Variants in CNDP2 observed in about 807,000 individuals in gnomAD.
The protein encoded by CNDP2 is cytosolic non-specific dipeptidase.
Under a neutral mutation model 55.0 loss-of-function variants are expected in CNDP2, and 38 were observed. The observed-to-expected ratio is 0.69, with a 90% confidence interval of 0.53 to 0.90. The LOEUF (loss-of-function observed/expected upper bound fraction) is 0.90. CNDP2 is among the 40% of genes least tolerant of loss of function. The pLI is 0.00. For synonymous variants in CNDP2, 241 were observed against 260.2 expected, an observed-to-expected ratio of 0.93 and a Z score of 0.71; for missense variants, 607 against 621.7, an observed-to-expected ratio of 0.98 and a Z score of 0.25.
At position 74,522,836 on chromosome 18, in the gene CNDP2, T is replaced by A. The variant is rs896747194; in HGVS notation, c.*2768T>A. The A allele has an allele frequency of 6.6e-6, 1 of 152,306 alleles. No individual in the cohort carries two copies. The highest frequency in any genetic ancestry group is 1.5e-5 in the Non-Finnish European group (1 of 68,112). The allele number at this position is 152,306 out of a possible 1,614,324, so 9.4% of individuals were successfully genotyped here. On this transcript the variant is annotated 3_prime_UTR_variant, in exon 12 of 12. Coordinates refer to ENST00000324262, the MANE Select transcript of CNDP2 (RefSeq NM_018235.3). ...TAACACCTGCAGCAGCCTGCGGCGGTCACCGTGCTAACACGTGCAGCAGCC... is the reference window on the plus strand; with the variant it reads ...TAACACCTGCAGCAGCCTGCGGCGGACACCGTGCTAACACGTGCAGCAGCC...
intron 7 of CNDP2, 122 bp from the exon 8 acceptor site, chr18:74,513,437 G>T: frequency 1.9e-6 from 2 of 1,052,914 alleles, no homozygotes; most frequent in Non-Finnish European, 2.6e-6. Flanking sequence ...CCTCAGCCAC[G>T]TGGCTGTGGG....
intron 4 of CNDP2, among the ~76,000 whole-genome samples, chr18:74,506,750 G>C (rs888416346): frequency 6.6e-6 from 1 of 152,200 alleles, no homozygotes; most frequent in African/African-American, 2.4e-5. Flanking sequence ...AAGTGCTTCC[G>C]TGGGCCTGGC....
In CNDP2 at chr18:74,521,829, G is replaced by A. The variant is rs891616798; in HGVS notation, c.*1761G>A. 7.2e-5 allele frequency: 11 copies of A among 152,308 alleles called. No individual in the cohort carries two copies. Among genetic ancestry groups the A allele is most frequent in the African/African-American group, 2.2e-4 (9 of 41,564 alleles). The allele number at this position is 152,308 out of a possible 1,614,324, so 9.4% of individuals were successfully genotyped here. On this transcript the variant is annotated 3_prime_UTR_variant, in exon 12 of 12. Coordinates refer to ENST00000324262, the MANE Select transcript of CNDP2 (RefSeq NM_018235.3). Reference sequence around the variant, plus strand: ...ATTGGTAGGCAAAGGTTTAAAGAACGGGATATTTGCTTAGCTTAAAAGCAC... The same window carrying A: ...ATTGGTAGGCAAAGGTTTAAAGAACAGGATATTTGCTTAGCTTAAAAGCAC...
chr18:74,519,234 T>G, intron 11 of CNDP2, 138 bp downstream of exon 11: 2 of 1,165,936 alleles, frequency 1.7e-6, no homozygotes, highest in Non-Finnish European at 2.3e-6. Context: ...TGTATTTGTG[T>G]GAAGTGGGAA....
rs562695243 is a variant in CNDP2 at position 74,513,811 on chromosome 18, G to T, written c.903+92G>T. The T allele has an allele frequency of 3.8e-6, 5 of 1,315,116 alleles. No homozygotes were observed. The South Asian group carries it at 5.6e-5, about 15-fold the overall frequency. The allele number at this position is 1,315,116 out of a possible 1,614,324, so 81.5% of individuals were successfully genotyped here. A position where few individuals can be genotyped will look rare whatever the true frequency, so the allele number is the denominator to read the frequency against. On this transcript the variant is annotated intron_variant, in intron 8 of 11. Coordinates refer to ENST00000324262, the MANE Select transcript of CNDP2 (RefSeq NM_018235.3). ...CTGTCACCTTCCCTGGGTCCAGGGG[G>T]TCTCTGAGGGAAGAGCTGGAATGTC...
chr18:74,510,230 A>G (rs8084058), intron 5 of CNDP2, among the ~76,000 whole-genome samples: 96,343 of 152,128 alleles, frequency 0.63, 30,649 homozygotes, highest in East Asian at 0.7. Flanking sequence ...AGGACTCAGT[A>G]GCCTTGAGTC....
intron 3 of CNDP2, chr18:74,504,935 T>A (rs1033166134): frequency 6.6e-6 from 1 of 152,170 alleles, no homozygotes; most frequent in East Asian, 1.9e-4. Flanking sequence ...GGAAAAGACC[T>A]AAGATTGATT....
chr18:74,499,673 CTGT>C, intron 1 of CNDP2: 1 of 378,558 alleles, frequency 2.6e-6, no homozygotes, highest in Non-Finnish European at 4.7e-6. Flanking sequence ...GGCCCTCCCT[CTGT>C]TGTTACCTGC....
At chr18:74,515,995 G>A (rs753089029) in intron 8 of CNDP2, among the ~76,000 whole-genome samples, 2 of 152,202 alleles carry the variant, frequency 1.3e-5, no homozygotes, top group Non-Finnish European at 2.9e-5. Flanking sequence ...TGCAGCGACG[G>A]GCAGTGAAAT....
rs957908172 is a variant in CNDP2 at position 74,518,826 on chromosome 18, G to A, written c.1211-123G>A. On this transcript the variant is annotated intron_variant, in intron 10 of 11. Transcript: ENST00000324262. ...TGGACCCCTGGCGGACCTTGAACGC[G>A]GGCTTGCTGTCCCCAGGGCCTTGCA... The A allele has an allele frequency of 1.7e-5, 25 of 1,474,606 alleles. 1 individual carries two copies. In the East Asian group the frequency reaches 2.3e-4, roughly 13 times the overall value. The allele number at this position is 1,474,606 out of a possible 1,614,324, so 91.3% of individuals were successfully genotyped here.
rs751036569 is a variant in CNDP2 at position 74,513,671 on chromosome 18, G to A, written c.855G>A (p.Glu285=). The change falls in exon 8 of 12, where the codon GAG becomes GAA. Residue 285 remains glutamate (E), a synonymous_variant. Transcript: ENST00000324262. Reference sequence around the variant, plus strand: ...ACGACGACATCGACTTTGACATAGAGGAGTTTGCCAAGGATGTGGGGGCGC... The same window carrying A: ...ACGACGACATCGACTTTGACATAGAAGAGTTTGCCAAGGATGTGGGGGCGC... ...KLYDDIDFDI[E]EFAKDVGAQI... The A allele has an allele frequency of 6.2e-7, 1 of 1,614,126 alleles. No homozygotes were observed. Among genetic ancestry groups the A allele is most frequent in the East Asian group, 2.2e-5 (1 of 44,870 alleles).
At chr18:74,511,790 G>T (rs1979371122) in intron 6 of CNDP2, among the ~76,000 whole-genome samples, 1 of 152,144 alleles carries the variant, frequency 6.6e-6, no homozygotes, top group African/African-American at 2.4e-5. Flanking sequence ...TCACTGGCTG[G>T]TGGTCATCTC....
At chr18:74,499,641 T>C (rs1383530746) in intron 1 of CNDP2, 3 of 304,730 alleles carry the variant, frequency 9.8e-6, no homozygotes, top group Non-Finnish European at 1.2e-5. Context: ...CTTTTAGTTT[T>C]CACTGTATTT....
At chr18:74,501,501 G>T in intron 3 of CNDP2, 29 bp downstream of exon 3, 2 of 1,586,156 alleles carry the variant, frequency 1.3e-6, no homozygotes, top group South Asian at 2.3e-5. Flanking sequence ...TGCATTGCAG[G>T]ACCGTAGACA....
Position 74,516,210 on chromosome 18 carries a change from C to G in CNDP2, c.904-18C>G. On this transcript the variant is annotated intron_variant, in intron 8 of 11. Transcript: ENST00000324262. ...ACTGAATGCCTGAGGTGTCCCTGAC[C>G]CTCTGATTTTTCTGCAGAAAGACAT... 6.3e-7 allele frequency: 1 copy of G among 1,599,932 alleles called. No homozygotes were observed. Among genetic ancestry groups the G allele is most frequent in the Non-Finnish European group, 8.5e-7 (1 of 1,172,380 alleles).
At chr18:74,517,149 C>T (rs190512446) in intron 9 of CNDP2, 1 of 152,246 alleles carries the variant, frequency 6.6e-6, no homozygotes, top group African/African-American at 2.4e-5. Context: ...AGGGCAGGCT[C>T]TCGGTATCTT....
chr18:74,505,867 A>T lies in CNDP2; in HGVS notation c.223A>T (p.Ile75Phe), dbSNP rs1978985797. The change falls in exon 4 of 12, where the codon ATC becomes TTC. Residue 75 changes from isoleucine to phenylalanine, a missense_variant. Physicochemically the swap from Ile to Phe is conservative, Grantham distance 21. Transcript: ENST00000324262. ...GKQKLPDGSE[I>F]PLPPILLGRL... ...TGCTCAGCTCCCTGATGGCTCGGAG[A>T]TCCCGCTCCCTCCTATTCTGCTCGG... 6.2e-7 allele frequency: 1 copy of T among 1,611,614 alleles called. No individual in the cohort carries two copies. The highest frequency in any genetic ancestry group is 1.3e-5 in the African/African-American group (1 of 74,714).
rs201331505 is a variant in CNDP2 at position 74,512,486 on chromosome 18, C to T, written c.696C>T (p.Tyr232=). 4.6e-5 allele frequency: 75 copies of T among 1,613,662 alleles called. No homozygotes were observed. The highest frequency in any genetic ancestry group is 5.7e-5 in the Non-Finnish European group (67 of 1,179,880). ...ACAAAGACCTCCATTCTGGGGTGTA[C>T]GGGGGCTCGGTGCATGAGGCCATGA... The part of the protein sequence containing the change: ...CSNKDLHSGV[Y]GGSVHEAMTD... Residue 232 remains tyrosine (Y), a synonymous_variant, in exon 7 of 12, where the codon TAC becomes TAT. Coordinates refer to ENST00000324262, the MANE Select transcript of CNDP2 (RefSeq NM_018235.3).
chr18:74,514,506 C>G (rs1296395434), intron 8 of CNDP2, among the ~76,000 whole-genome samples: 29 of 91,722 alleles, frequency 3.2e-4, no homozygotes, highest in Non-Finnish European at 4.8e-4. Context: ...AGCCTGTGGG[C>G]TTACGTGGTA....
Sources: allele counts gnomAD v4.1 joint callset (sites outside exome capture counted in the v4.1 genomes callset), GRCh38; gene constraint gnomAD v4.1.1; transcripts MANE v1.5; gene names NCBI Gene and HGNC (gene_info 2026-07-23, HGNC 2026-07-21).